Variants in KRABD5 observed in about 807,000 individuals in gnomAD.
The protein encoded by KRABD5 is KRAB domain-containing protein 5.
chr16:31,757,999 T>C, the KRABD5 span: 4 of 152,156 alleles, frequency 2.6e-5, no homozygotes, highest in Admixed American at 2.6e-4. Context: ...CAGAGATAGA[T>C]AATGTTCCAA....
chr16:31,730,092 C>T, the KRABD5 span, among the ~76,000 whole-genome samples: 3,312 of 152,202 alleles, frequency 0.022, 53 homozygotes, highest in Non-Finnish European at 0.034. Flanking sequence ...TTCTGAATTT[C>T]ACTATTTACC....
chr16:31,730,954 T>C, the KRABD5 span, among the ~76,000 whole-genome samples: 2 of 152,206 alleles, frequency 1.3e-5, no homozygotes, highest in Non-Finnish European at 2.9e-5. Flanking sequence ...AACTTTTTAG[T>C]TATCTATCTG....
chr16:31,713,359 CCT>C, the KRABD5 span: 1 of 1,570,990 alleles, frequency 6.4e-7, no homozygotes, highest in Non-Finnish European at 8.7e-7. Context: ...ATAGACAGAA[CCT>C]CTGTTACTCT....
At chr16:31,752,026 A>T in the KRABD5 span, among the ~76,000 whole-genome samples, 1 of 152,216 alleles carries the variant, frequency 6.6e-6, no homozygotes, top group South Asian at 2.1e-4. Flanking sequence ...AAAGTTGTTG[A>T]GGAGCCAGTT....
the KRABD5 span, chr16:31,755,068 ATCATT>A: frequency 4.2e-6 from 2 of 479,650 alleles, no homozygotes; most frequent in Non-Finnish European, 8.5e-6. Flanking sequence ...AATGTGGTAA[ATCATT>A]TAAAGTGTCT....
chr16:31,758,890 A>G, the KRABD5 span: 1 of 152,472 alleles, frequency 6.6e-6, no homozygotes, highest in Non-Finnish European at 1.5e-5. Context: ...GAAACAAATT[A>G]TAACACTGTA....
the KRABD5 span, chr16:31,753,676 T>G: frequency 2.4e-6 from 3 of 1,237,366 alleles, no homozygotes; most frequent in African/African-American, 4.6e-5. Context: ...CATGGTGTTC[T>G]CAACGTGATA....
chr16:31,713,340 G>C, the KRABD5 span: 8 of 1,546,260 alleles, frequency 5.2e-6, no homozygotes, highest in East Asian at 4.8e-5. Flanking sequence ...GCGGCTTCGC[G>C]TTCTGAGAAT....
chr16:31,742,908 A>T, the KRABD5 span, among the ~76,000 whole-genome samples: 1 of 152,108 alleles, frequency 6.6e-6, no homozygotes, highest in Non-Finnish European at 1.5e-5. Context: ...TTATCTGATG[A>T]TCAGTCATGT....
the KRABD5 span, chr16:31,759,918 T>C: frequency 6.6e-6 from 1 of 150,404 alleles, no homozygotes; most frequent in Non-Finnish European, 1.5e-5. Flanking sequence ...ACTCACTATC[T>C]CAGAATGTTA....
the KRABD5 span, among the ~76,000 whole-genome samples, chr16:31,739,824 T>C: frequency 1.6e-3 from 238 of 152,306 alleles, 1 homozygote; most frequent in African/African-American, 5.5e-3. Flanking sequence ...TTTACCGGAA[T>C]GAGGGCAAGG....
At chr16:31,716,074 C>T in the KRABD5 span, among the ~76,000 whole-genome samples, 1 of 152,182 alleles carries the variant, frequency 6.6e-6, no homozygotes, top group Non-Finnish European at 1.5e-5. Context: ...CAAGACATGA[C>T]CCTCAGGAAT....
At chr16:31,752,256 A>G in the KRABD5 span, among the ~76,000 whole-genome samples, 1 of 152,190 alleles carries the variant, frequency 6.6e-6, no homozygotes, top group Non-Finnish European at 1.5e-5. Context: ...AATATTCTGT[A>G]GATGTCTATT....
the KRABD5 span, among the ~76,000 whole-genome samples, chr16:31,751,244 A>G: frequency 1.3e-5 from 2 of 152,192 alleles, no homozygotes; most frequent in Non-Finnish European, 2.9e-5. Context: ...ATTGTCCTGT[A>G]GTTTTATTTG....
At chr16:31,737,734 CAG>C in the KRABD5 span, among the ~76,000 whole-genome samples, 1 of 152,080 alleles carries the variant, frequency 6.6e-6, no homozygotes, top group African/African-American at 2.4e-5. Context: ...ATTTTGAAAT[CAG>C]AAAGTATGAT....
the KRABD5 span, among the ~76,000 whole-genome samples, chr16:31,728,422 TTTA>T: frequency 2.0e-5 from 3 of 152,072 alleles, no homozygotes; most frequent in Non-Finnish European, 4.4e-5. Flanking sequence ...AATGTAGAAC[TTTA>T]TTATTATAAA....
At chr16:31,720,532 G>A in the KRABD5 span, among the ~76,000 whole-genome samples, 3 of 152,200 alleles carry the variant, frequency 2.0e-5, no homozygotes, top group East Asian at 5.8e-4. Context: ...CACATGGCCA[G>A]TTTTAAGAAA....
the KRABD5 span, among the ~76,000 whole-genome samples, chr16:31,735,365 A>G: frequency 6.6e-6 from 1 of 152,204 alleles, no homozygotes; most frequent in Admixed American, 6.5e-5. Context: ...AGAGTGCTGC[A>G]GTAAACATGG....
the KRABD5 span, among the ~76,000 whole-genome samples, chr16:31,717,699 C>G: frequency 6.6e-6 from 1 of 152,106 alleles, no homozygotes; most frequent in Non-Finnish European, 1.5e-5. Flanking sequence ...TCTTTCGTTT[C>G]TACCATTGTG....
Sources: allele counts gnomAD v4.1 joint callset (sites outside exome capture counted in the v4.1 genomes callset), GRCh38; gene constraint gnomAD v4.1.1; transcripts MANE v1.5; gene names NCBI Gene and HGNC (gene_info 2026-07-23, HGNC 2026-07-21).